ERC1: variants seen among roughly 807,000 people sequenced by gnomAD.
ERC1 encodes the protein ELKS/RAB6-interacting/CAST family member 1.
In ERC1, 56 loss-of-function variants were observed where a neutral mutation model predicts 132.0. That is an observed-to-expected ratio of 0.42 (90% CI 0.34 to 0.53). The LOEUF is 0.53. ERC1 is among the 20% of genes least tolerant of loss of function. The pLI, the probability that ERC1 is intolerant of heterozygous loss-of-function variation, is 0.03. For synonymous variants in ERC1, 478 were observed against 476.1 expected (o/e 1.00, Z -0.05); for missense variants, 1,202 against 1,349.9 (o/e 0.89, Z 1.72).
At position 1,374,824 on chromosome 12, in the gene ERC1, A is replaced by ATTTT. The variant is rs5795968; in HGVS notation, c.2925+2866_2925+2869dup. On this transcript the variant is annotated intron_variant, in intron 16 of 18. Coordinates refer to ENST00000360905, the MANE Select transcript of ERC1 (RefSeq NM_178040.4). The stretch of plus-strand genomic sequence containing the variant: ...GCTGGGCTTTTCAGGACAGGCTGGG[A>ATTTT]TTTTTTTTTTTTTTTTTTTTTTCTG... 4.8e-3 allele frequency among the ~76,000 whole-genome samples: 600 copies of ATTTT among 124,522 alleles called. 11 individuals are homozygous for ATTTT. The highest frequency in any genetic ancestry group is 0.017 in the African/African-American group (557 of 33,740). 81.7% of individuals were successfully genotyped at this position (124,522 alleles called of 152,430 possible). A position where few individuals can be genotyped will look rare whatever the true frequency, so the allele number is the denominator to read the frequency against.
At chr12:1,385,477 G>A (rs1033346859) in intron 16 of ERC1, among the ~76,000 whole-genome samples, 82 of 151,952 alleles carry the variant, frequency 5.4e-4, no homozygotes, top group African/African-American at 2.0e-3. Flanking sequence ...TAGAGACGGG[G>A]GTTTCACCGT....
In ERC1 at chr12:997,367, C is replaced by T. The variant is rs192806067; in HGVS notation, c.-157+6045C>T. ...GTACGAACATATGTGTCCTAGATTT[C>T]TTGAGGACAGGAACTATCTATTAGA... is the stretch of plus-strand genomic sequence containing the variant. On this transcript the variant is annotated intron_variant, in intron 1 of 18. Transcript: ENST00000360905. 1.8e-3 allele frequency among the ~76,000 whole-genome samples: 268 copies of T among 152,278 alleles called. 2 individuals are homozygous for T. The highest frequency in any genetic ancestry group is 1.1e-3 in the Non-Finnish European group (78 of 68,036).
intron 17 of ERC1, among the ~76,000 whole-genome samples, chr12:1,435,841 A>C (rs1204810838): frequency 1.3e-5 from 2 of 152,120 alleles, no homozygotes; most frequent in African/African-American, 4.8e-5. Context: ...CCCATTTCTG[A>C]TATTTACACA....
At chr12:1,174,322 C>A (rs1278655539) in intron 8 of ERC1, among the ~76,000 whole-genome samples, 1 of 152,110 alleles carries the variant, frequency 6.6e-6, no homozygotes, top group Admixed American at 6.6e-5. Context: ...TTTGTGAGAT[C>A]CTTTCACTAT....
intron 16 of ERC1, among the ~76,000 whole-genome samples, chr12:1,397,281 T>G (rs2090623030): frequency 6.6e-6 from 1 of 152,184 alleles, no homozygotes; most frequent in African/African-American, 2.4e-5. Flanking sequence ...TGCGTTGACT[T>G]TGTGACCCAG....
chr12:1,190,575 C>T (rs568416479), intron 12 of ERC1, among the ~76,000 whole-genome samples: 1 of 152,016 alleles, frequency 6.6e-6, no homozygotes, highest in African/African-American at 2.4e-5. Context: ...TTAGGAGCCA[C>T]GGATATGTTT....
intron 7 of ERC1, among the ~76,000 whole-genome samples, chr12:1,116,662 T>A (rs1946485939): frequency 6.6e-6 from 1 of 151,498 alleles, no homozygotes. Flanking sequence ...GGCTCACCAC[T>A]ACCTCCGCCT....
intron 13 of ERC1, among the ~76,000 whole-genome samples, chr12:1,241,797 C>T (rs975786388): frequency 1.4e-5 from 2 of 146,192 alleles, no homozygotes; most frequent in Non-Finnish European, 3.0e-5. Context: ...CCATTTCATT[C>T]TAGATTCATT....
chr12:1,320,789 C>T (rs1012253744), intron 15 of ERC1, among the ~76,000 whole-genome samples: 2 of 152,176 alleles, frequency 1.3e-5, no homozygotes, highest in African/African-American at 4.8e-5. Flanking sequence ...GCAAGCTCTG[C>T]CTCCCGGGTT....
At chr12:1,161,432 G>A (rs976514538) in intron 8 of ERC1, among the ~76,000 whole-genome samples, 2 of 152,070 alleles carry the variant, frequency 1.3e-5, no homozygotes, top group Admixed American at 6.6e-5. Context: ...CGTAATATAC[G>A]CTCTTAAAAA....
At chr12:1,382,652 T>A (rs759005306) in intron 16 of ERC1, among the ~76,000 whole-genome samples, 1 of 152,196 alleles carries the variant, frequency 6.6e-6, no homozygotes, top group Non-Finnish European at 1.5e-5. Flanking sequence ...AGTCTAAAAT[T>A]CATTATTTTC....
intron 16 of ERC1, among the ~76,000 whole-genome samples, chr12:1,392,168 G>A (rs545490489): frequency 6.6e-6 from 1 of 152,276 alleles, no homozygotes; most frequent in South Asian, 2.1e-4. Context: ...CAGGGTGGGG[G>A]TCAGTGATGG....
At chr12:1,119,650 AAGCG>A (rs1387331062) in intron 7 of ERC1, among the ~76,000 whole-genome samples, 1 of 151,694 alleles carries the variant, frequency 6.6e-6, no homozygotes, top group African/African-American at 2.4e-5. Flanking sequence ...TCCTGGGTTC[AAGCG>A]ATTCTCCTGC....
chr12:1,060,120 T>C (rs920464389), intron 2 of ERC1, among the ~76,000 whole-genome samples: 7 of 151,748 alleles, frequency 4.6e-5, no homozygotes, highest in African/African-American at 1.2e-4. Context: ...ATTGGACTTA[T>C]AGTTCCACAT....
chr12:1,380,381 C>T (rs975020021), intron 16 of ERC1: 2 of 152,178 alleles, frequency 1.3e-5, no homozygotes, highest in African/African-American at 2.4e-5. Flanking sequence ...AGAAATAGGC[C>T]GCCTCCGATA....
chr12:1,171,839 A>T (rs1566140319), intron 8 of ERC1, among the ~76,000 whole-genome samples: 1 of 152,206 alleles, frequency 6.6e-6, no homozygotes, highest in African/African-American at 2.4e-5. Flanking sequence ...TTGACTGGAA[A>T]TAAATCACCC....
intron 15 of ERC1, among the ~76,000 whole-genome samples, chr12:1,348,493 C>A (rs1038973415): frequency 6.6e-5 from 10 of 152,014 alleles, no homozygotes; most frequent in African/African-American, 2.4e-4. Flanking sequence ...TCGAGACCAT[C>A]CTGGCCAAAA....
chr12:1,120,352 C>G (rs147086811), intron 7 of ERC1, among the ~76,000 whole-genome samples: 2 of 152,116 alleles, frequency 1.3e-5, no homozygotes, highest in African/African-American at 4.8e-5. Flanking sequence ...CAGTTTATAG[C>G]ACTTTGATTT....
chr12:1,160,358 C>G (rs138619383), intron 8 of ERC1, among the ~76,000 whole-genome samples: 181 of 152,154 alleles, frequency 1.2e-3, no homozygotes, highest in African/African-American at 4.2e-3. Flanking sequence ...TTTTTGTAAG[C>G]TCACTTTGTT....
Sources: gnomAD v4.1 joint callset for allele counts (sites outside exome capture counted in the v4.1 genomes callset) on GRCh38, gnomAD v4.1.1 for gene constraint, MANE v1.5 for transcripts, NCBI Gene and HGNC (gene_info 2026-07-23, HGNC 2026-07-21) for gene names.